TENM1: variants seen among roughly 807,000 people sequenced by gnomAD.
TENM1 encodes the protein teneurin-1.
TENM1 carries 35 observed loss-of-function variants against 174.8 expected under a neutral mutation model. The ratio of observed to expected loss-of-function variants is 0.20; its 90% CI spans 0.15 to 0.27. The LOEUF (loss-of-function observed/expected upper bound fraction) is 0.27. Among genes scored for constraint, TENM1 ranks in the 10% least tolerant of loss-of-function variants. The pLI is 1.00. For synonymous variants in TENM1, 781 were observed against 798.7 expected (o/e 0.98, Z 0.37); for missense variants, 1,633 against 2,130.1 (o/e 0.77, Z 4.59).
chrX:124,650,289 G>C (rs902575833), intron 8 of TENM1, among the ~76,000 whole-genome samples: 1 of 107,952 alleles, frequency 9.3e-6, no homozygotes, highest in Non-Finnish European at 1.9e-5. Flanking sequence ...AAATTTACTT[G>C]AGTTTTCTTT....
chrX:124,526,213 G>A (rs2047972358), intron 16 of TENM1, among the ~76,000 whole-genome samples: 2 of 111,722 alleles, frequency 1.8e-5, no homozygotes, highest in South Asian at 3.8e-4. Context: ...GGGCAAAACT[G>A]TTTCTGTGAG....
intron 1 of TENM1, among the ~76,000 whole-genome samples, chrX:124,916,856 A>C: frequency 9.1e-6 from 1 of 109,360 alleles, no homozygotes; most frequent in Middle Eastern, 4.7e-3. Flanking sequence ...TGACACAAAA[A>C]GACATCTTTA....
chrX:124,450,048 C>T (rs1404327900), intron 23 of TENM1, among the ~76,000 whole-genome samples: 1 of 110,452 alleles, frequency 9.1e-6, no homozygotes, highest in Non-Finnish European at 1.9e-5. Context: ...TCCCACAGGT[C>T]GTGGGAGAAA....
At chrX:124,809,017 T>A (rs561584433) in intron 3 of TENM1, among the ~76,000 whole-genome samples, 1 of 110,197 alleles carries the variant, frequency 9.1e-6, no homozygotes, top group Non-Finnish European at 1.9e-5. Context: ...TAAAAACAAC[T>A]GAAAAGATGA....
the TENM1 span, among the ~76,000 whole-genome samples, chrX:124,992,291 C>T: frequency 2.7e-5 from 3 of 110,870 alleles, no homozygotes; most frequent in Non-Finnish European, 5.7e-5. Context: ...AGATTTTGTC[C>T]ACTCTTAGTT....
the TENM1 span, among the ~76,000 whole-genome samples, chrX:125,162,990 T>A: frequency 9.0e-6 from 1 of 111,528 alleles, no homozygotes; most frequent in Non-Finnish European, 1.9e-5. Context: ...CTCTCTCTTC[T>A]CACTCTCAGT....
intron 3 of TENM1, among the ~76,000 whole-genome samples, chrX:124,773,659 C>A (rs1183368032): frequency 1.8e-5 from 2 of 110,982 alleles, no homozygotes; most frequent in African/African-American, 6.6e-5. Flanking sequence ...GAGGTGATGA[C>A]TTTGGTCTTC....
At chrX:124,630,310 C>G (rs1315094501) in intron 11 of TENM1, among the ~76,000 whole-genome samples, 1 of 112,099 alleles carries the variant, frequency 8.9e-6, no homozygotes, top group Non-Finnish European at 1.9e-5. Context: ...TTATTCTTGA[C>G]TCCACTATTA....
intron 3 of TENM1, among the ~76,000 whole-genome samples, chrX:124,775,274 C>T (rs1340405359): frequency 1.9e-5 from 2 of 102,788 alleles, no homozygotes; most frequent in Non-Finnish European, 3.9e-5. Flanking sequence ...CCACTGCACT[C>T]CAGCCTGGGC....
chrX:124,485,655 G>T (rs971901148), intron 21 of TENM1, among the ~76,000 whole-genome samples: 5 of 111,570 alleles, frequency 4.5e-5, no homozygotes, highest in African/African-American at 1.6e-4. Context: ...TTGGAATGCA[G>T]TACATTCATT....
At chrX:124,505,351 G>A (rs1416696680) in intron 18 of TENM1, among the ~76,000 whole-genome samples, 3 of 111,500 alleles carry the variant, frequency 2.7e-5, no homozygotes, top group Non-Finnish European at 5.7e-5. Context: ...GAAACTAATC[G>A]TCTCTGTCAA....
At chrX:124,475,811 G>A (rs914538741) in intron 22 of TENM1, among the ~76,000 whole-genome samples, 3 of 110,604 alleles carry the variant, frequency 2.7e-5, no homozygotes, top group African/African-American at 6.6e-5. Flanking sequence ...TTACCCTGTC[G>A]CCAACATTAT....
At chrX:125,054,647 G>T in the TENM1 span, among the ~76,000 whole-genome samples, 1 of 111,883 alleles carries the variant, frequency 8.9e-6, no homozygotes, top group South Asian at 3.7e-4. Flanking sequence ...ATGACAGAGA[G>T]AAGAAAACAG....
chrX:124,463,873 GTGTGGA>G (rs759476740), intron 22 of TENM1, among the ~76,000 whole-genome samples: 11 of 103,460 alleles, frequency 1.1e-4, no homozygotes, highest in Middle Eastern at 5.0e-3. Context: ...GTGTGTGTGT[GTGTGGA>G]GAGAGAGAGA....
At chrX:125,031,933 T>G in the TENM1 span, among the ~76,000 whole-genome samples, 1 of 111,759 alleles carries the variant, frequency 8.9e-6, no homozygotes, top group Non-Finnish European at 1.9e-5. Context: ...CCATTGGTAC[T>G]AGAAGGGCAA....
the TENM1 span, among the ~76,000 whole-genome samples, chrX:125,162,267 T>G: frequency 8.9e-6 from 1 of 111,998 alleles, no homozygotes; most frequent in African/African-American, 3.2e-5. Flanking sequence ...CTCTCAGAAT[T>G]AAAATCCATA....
At chrX:125,068,122 T>C in the TENM1 span, among the ~76,000 whole-genome samples, 1 of 111,829 alleles carries the variant, frequency 8.9e-6, no homozygotes, top group African/African-American at 3.3e-5. Flanking sequence ...AATTGGGAGC[T>C]GTCCTGGGAA....
intron 13 of TENM1, among the ~76,000 whole-genome samples, chrX:124,563,188 AT>A (rs2048859622): frequency 1.8e-5 from 2 of 110,140 alleles, no homozygotes; most frequent in Non-Finnish European, 3.8e-5. Context: ...AGGCACTAGG[AT>A]ATCTGGCAGA....
chrX:124,857,808 C>T (rs916583984), intron 3 of TENM1, among the ~76,000 whole-genome samples: 1 of 110,096 alleles, frequency 9.1e-6, no homozygotes, highest in Non-Finnish European at 1.9e-5. Context: ...TTTACCTTTT[C>T]CTAGTCACTC....
Sources: gnomAD v4.1 joint callset for allele counts (sites outside exome capture counted in the v4.1 genomes callset) on GRCh38, gnomAD v4.1.1 for gene constraint, MANE v1.5 for transcripts, NCBI Gene and HGNC (gene_info 2026-07-23, HGNC 2026-07-21) for gene names.